PLCL1: variants seen among roughly 807,000 people sequenced by gnomAD.
The protein encoded by PLCL1 is phospholipase C like 1 (inactive).
Under a neutral mutation model 84.4 loss-of-function variants are expected in PLCL1, and 41 were observed. That is an observed-to-expected ratio of 0.49 (90% confidence interval 0.38 to 0.63). The LOEUF is 0.63. Ranked by LOEUF, PLCL1 falls within the 30% of genes least tolerant of loss-of-function variation. The pLI is 0.00. For missense variants in PLCL1, 1,206 were observed against 1,367.8 expected (o/e 0.88, Z 1.87); for synonymous variants, 490 against 488.3 (o/e 1.00, Z -0.05).
chr2:197,945,857 G>GT (rs1313987310), intron 1 of PLCL1, among the ~76,000 whole-genome samples: 5 of 152,058 alleles, frequency 3.3e-5, no homozygotes, highest in Non-Finnish European at 4.4e-5. Flanking sequence ...CACCTGTCCA[G>GT]TTATTAAAAT....
chr2:197,819,539 A>G (rs1690764323), intron 1 of PLCL1, among the ~76,000 whole-genome samples: 1 of 152,118 alleles, frequency 6.6e-6, no homozygotes, highest in African/African-American at 2.4e-5. Flanking sequence ...TACTTATTCA[A>G]TTACATTGTT....
At chr2:197,846,034 G>T (rs988413435) in intron 1 of PLCL1, among the ~76,000 whole-genome samples, 1 of 152,048 alleles carries the variant, frequency 6.6e-6, no homozygotes, top group South Asian at 2.1e-4. Context: ...AAGAACGAGG[G>T]TCTGGTCGAA....
At chr2:197,840,921 G>A (rs370524983) in intron 1 of PLCL1, among the ~76,000 whole-genome samples, 1 of 152,190 alleles carries the variant, frequency 6.6e-6, no homozygotes, top group African/African-American at 2.4e-5. Flanking sequence ...TATGACTATA[G>A]AAGTACATTT....
chr2:198,028,270 GTTA>G (rs1348491197), intron 1 of PLCL1, among the ~76,000 whole-genome samples: 1 of 152,014 alleles, frequency 6.6e-6, no homozygotes, highest in African/African-American at 2.4e-5. Flanking sequence ...TACATCAATT[GTTA>G]TTATGTAATG....
chr2:198,137,588 C>T (rs1224251134), intron 5 of PLCL1, among the ~76,000 whole-genome samples: 3 of 152,166 alleles, frequency 2.0e-5, no homozygotes, highest in African/African-American at 7.2e-5. Context: ...GGATTCTTGC[C>T]TCTCCTCCAG....
At chr2:197,858,194 A>G (rs1418930110) in intron 1 of PLCL1, among the ~76,000 whole-genome samples, 4 of 152,208 alleles carry the variant, frequency 2.6e-5, no homozygotes, top group Non-Finnish European at 4.4e-5. Context: ...TGCAAAGAGC[A>G]CATGTTTTGG....
intron 1 of PLCL1, among the ~76,000 whole-genome samples, chr2:198,071,719 C>G (rs1295704447): frequency 6.6e-6 from 1 of 151,642 alleles, no homozygotes; most frequent in African/African-American, 2.4e-5. Flanking sequence ...AATATCAATA[C>G]AGTTTTAAGT....
At chr2:197,810,249 T>C (rs1300655199) in intron 1 of PLCL1, 26 of 1,208,576 alleles carry the variant, frequency 2.2e-5, no homozygotes, top group African/African-American at 3.1e-5. Flanking sequence ...TTAGAAGTGG[T>C]TGCTTCTTAT....
chr2:197,968,953 C>A (rs1013344595), intron 1 of PLCL1, among the ~76,000 whole-genome samples: 1 of 152,202 alleles, frequency 6.6e-6, no homozygotes, highest in Admixed American at 6.5e-5. Context: ...TGGTTAGGAA[C>A]CGGGCCACAC....
At position 197,805,267 on chromosome 2, in the gene PLCL1, G is replaced by T; in HGVS notation, c.168G>T (p.Gly56=). 1 of 1,276,320 alleles carries T rather than the reference G, an allele frequency of 7.8e-7. No homozygotes were observed. The highest frequency in any genetic ancestry group is 9.9e-7 in the Non-Finnish European group (1 of 1,012,846). The allele number at this position is 1,276,320 out of a possible 1,614,324, so 79.1% of individuals were successfully genotyped here. Residue 56 remains glycine (G), a synonymous_variant, in exon 1 of 6, where the codon GGG becomes GGT. Coordinates refer to ENST00000428675, the MANE Select transcript of PLCL1 (RefSeq NM_006226.4). The surrounding 1 kb of genome is among the most constrained non-coding windows in gnomAD (Gnocchi z 4.0). ...GGGTCGCACTGCCAGGCGCCGCGGG[G>T]ACCCCAGCGGACAGCGAGGCGGGCC... ...RSGVALPGAA[G]TPADSEAGLL...
At chr2:198,060,418 T>C (rs1169635502) in intron 1 of PLCL1, among the ~76,000 whole-genome samples, 2 of 152,206 alleles carry the variant, frequency 1.3e-5, no homozygotes, top group Admixed American at 6.5e-5. Context: ...CTCCTGGGTG[T>C]GGAGAGTGCT....
intron 1 of PLCL1, among the ~76,000 whole-genome samples, chr2:197,965,879 G>T (rs1689721857): frequency 6.6e-6 from 1 of 152,018 alleles, no homozygotes; most frequent in Non-Finnish European, 1.5e-5. Context: ...TCTTGTTAAT[G>T]ATTTCTAGTT....
intron 1 of PLCL1, among the ~76,000 whole-genome samples, chr2:197,840,372 A>C (rs1443561378): frequency 2.6e-5 from 4 of 152,106 alleles, no homozygotes; most frequent in Admixed American, 2.6e-4. Context: ...CTCGGTGAGA[A>C]AATAATTTTA....
Position 198,054,622 on chromosome 2 carries a change from T to G in PLCL1, c.241-29136T>G, listed in dbSNP as rs370349207. On this transcript the variant is annotated intron_variant, in intron 1 of 5. Transcript: ENST00000428675. The stretch of plus-strand genomic sequence containing the variant: ...GCAGCTCTTTACCAAGGGACCAAGA[T>G]GAGCAGGCTGTTCCTTTTGTCAGTG... Among the ~76,000 whole-genome samples, 7 of 152,336 alleles carry G rather than the reference T, an allele frequency of 4.6e-5. No individual in the cohort carries two copies. The East Asian group carries it at 9.6e-4, about 21-fold the overall frequency.
intron 1 of PLCL1, among the ~76,000 whole-genome samples, chr2:197,879,896 A>G (rs573387228): frequency 6.6e-6 from 1 of 152,330 alleles, no homozygotes; most frequent in Admixed American, 6.5e-5. Context: ...ATTTAGTAAT[A>G]TCATGAATGT....
intron 1 of PLCL1, among the ~76,000 whole-genome samples, chr2:198,029,680 T>TCTCTTCTCTC (rs563985928): frequency 1.3e-5 from 2 of 149,552 alleles, no homozygotes; most frequent in Non-Finnish European, 3.0e-5. Flanking sequence ...CTTCTTCTCT[T>TCTCTTCTCTC]CTCTTCTCTC....
At chr2:198,070,353 A>G (rs1224001778) in intron 1 of PLCL1, among the ~76,000 whole-genome samples, 2 of 152,252 alleles carry the variant, frequency 1.3e-5, no homozygotes, top group African/African-American at 2.4e-5. Flanking sequence ...GTACATTCAT[A>G]TGCTTACATC....
intron 1 of PLCL1, among the ~76,000 whole-genome samples, chr2:197,873,982 G>T (rs1291098591): frequency 1.3e-5 from 2 of 152,178 alleles, no homozygotes; most frequent in Non-Finnish European, 2.9e-5. Context: ...AGTACTTGTT[G>T]ATGTTGACTT....
At chr2:197,837,950 G>T (rs1328114272) in intron 1 of PLCL1, among the ~76,000 whole-genome samples, 1 of 151,980 alleles carries the variant, frequency 6.6e-6, no homozygotes, top group Non-Finnish European at 1.5e-5. Context: ...TATAAACTGT[G>T]ATTTTTTTTT....
Sources: allele counts gnomAD v4.1 joint callset (sites outside exome capture counted in the v4.1 genomes callset), GRCh38; gene constraint gnomAD v4.1.1; non-coding constraint Gnocchi (gnomAD v3.1); transcripts MANE v1.5; gene names NCBI Gene and HGNC (gene_info 2026-07-23, HGNC 2026-07-21).